The following COL4A3 variants were observed in gnomAD, a reference collection of about 807,000 sequenced individuals.
COL4A3 encodes collagen type IV alpha 3 chain, also known as collagen alpha-3(IV) chain.
In COL4A3, 135 loss-of-function variants were observed where a neutral mutation model predicts 217.4. The observed-to-expected ratio is 0.62, with a 90% confidence interval of 0.54 to 0.72. COL4A3 has a LOEUF of 0.72. COL4A3 is among the 30% of genes least tolerant of loss of function. The pLI, the probability that COL4A3 is intolerant of heterozygous loss-of-function variation, is 0.00. For missense variants in COL4A3, 1,868 were observed against 2,119.9 expected, an observed-to-expected ratio of 0.88 and a Z score of 2.33; for synonymous variants, 690 against 736.3, an observed-to-expected ratio of 0.94 and a Z score of 1.02.
chr2:227,309,279 C>G lies in COL4A3; in HGVS notation c.4716C>G (p.His1572Gln). 6.2e-7 allele frequency: 1 copy of G among 1,614,132 alleles called. No individual in the cohort carries two copies. Among genetic ancestry groups the G allele is most frequent in the Non-Finnish European group, 8.5e-7 (1 of 1,179,994 alleles). The change falls in exon 50 of 52, where the codon CAC (histidine) becomes CAG (glutamine). Residue 1572 changes from histidine (H) to glutamine (Q), a missense_variant. Coordinates refer to ENST00000396578, the MANE Select transcript of COL4A3 (RefSeq NM_000091.5). ...SQTTDIPPCPHGWISLWKGFS... is the reference protein window; with the variant it reads ...SQTTDIPPCPQGWISLWKGFS... ...CCACTGACATTCCTCCATGTCCTCA[C>G]GGCTGGATTTCTCTCTGGAAAGGAT...
rs570310046 is a variant in COL4A3 at position 227,191,282 on chromosome 2, G to T, written c.87+26469G>T. Reference sequence around the variant, plus strand: ...ATTCCTCGTACACATTCCCAGAAATGGATTTTTTTTTTGTAAAGGACGCAA... The same window carrying T: ...ATTCCTCGTACACATTCCCAGAAATTGATTTTTTTTTTGTAAAGGACGCAA... On this transcript the variant is annotated intron_variant, in intron 1 of 51. Transcript: ENST00000396578. The surrounding 1 kb of genome is among the most constrained non-coding windows in gnomAD (Gnocchi z 6.8). Among the ~76,000 whole-genome samples, 4 of 151,904 alleles carry T rather than the reference G, an allele frequency of 2.6e-5. No individual in the cohort carries two copies. The highest frequency in any genetic ancestry group is 7.2e-5 in the African/African-American group (3 of 41,398).
intron 1 of COL4A3, among the ~76,000 whole-genome samples, chr2:227,166,548 T>A (rs2065286596): frequency 6.6e-6 from 1 of 152,214 alleles, no homozygotes; most frequent in South Asian, 2.1e-4. Context: ...GTTATACCAT[T>A]TTCAATTCTG....
intron 2 of COL4A3, among the ~76,000 whole-genome samples, chr2:227,239,145 C>A (rs1043133677): frequency 3.3e-5 from 5 of 152,092 alleles, no homozygotes; most frequent in Non-Finnish European, 7.3e-5. Flanking sequence ...TCCTTATCCA[C>A]GGTTTCTGAA....
intron 1 of COL4A3, among the ~76,000 whole-genome samples, chr2:227,187,237 T>C (rs1436793985): frequency 6.6e-6 from 1 of 152,204 alleles, no homozygotes; most frequent in African/African-American, 2.4e-5. Flanking sequence ...CTTTCAGATA[T>C]TGACTTACCA....
intron 11 of COL4A3, among the ~76,000 whole-genome samples, chr2:227,251,926 G>A (rs1420364900): frequency 7.3e-5 from 11 of 151,682 alleles, no homozygotes; most frequent in African/African-American, 1.9e-4. Context: ...AAAATTAGCC[G>A]GGCATGGTGG....
chr2:227,280,966 C>T lies in COL4A3; in HGVS notation c.2448C>T (p.Ala816=), dbSNP rs370583118. 1 of 1,566,816 alleles carries T rather than the reference C, an allele frequency of 6.4e-7. No individual in the cohort carries two copies. The highest frequency in any genetic ancestry group is 1.4e-5 in the African/African-American group (1 of 73,686). ...GGTGCATAGAGGGTCCCAGGGGAGC[C>T]CAAGGACTTCCAGGCTTAAATGGAT... The part of the protein sequence containing the change: ...PGRCIEGPRG[A]QGLPGLNGLK... The change falls in exon 31 of 52, where the codon GCC becomes GCT. Residue 816 remains alanine, a synonymous_variant. Coordinates refer to ENST00000396578, the MANE Select transcript of COL4A3 (RefSeq NM_000091.5).
intron 41 of COL4A3, among the ~76,000 whole-genome samples, chr2:227,297,051 T>G (rs1266847107): frequency 6.6e-6 from 1 of 152,232 alleles, no homozygotes; most frequent in Admixed American, 6.5e-5. Context: ...CTGTGACCTT[T>G]TTGGAGGGTC....
rs556382263 is a variant in COL4A3, at chr2:227,225,635, A to G, written c.88-12333A>G. Among the ~76,000 whole-genome samples the G allele has an allele frequency of 8.1e-5, 12 of 149,032 alleles. No individual in the cohort carries two copies. In the East Asian group the frequency reaches 1.9e-3, roughly 24 times the overall value. ...AGTGAGAAAAATAAGAACGAGGTAG[A>G]GATTTTTTTTTTTAATCAAGTAAAA... On this transcript the variant is annotated intron_variant, in intron 1 of 51. Coordinates refer to ENST00000396578, the MANE Select transcript of COL4A3 (RefSeq NM_000091.5).
intron 1 of COL4A3, among the ~76,000 whole-genome samples, chr2:227,214,111 T>C (rs1053562769): frequency 6.6e-6 from 1 of 152,136 alleles, no homozygotes; most frequent in Admixed American, 6.5e-5. Context: ...CCTCCGCATA[T>C]TGAAAAGTCT....
intron 38 of COL4A3, chr2:227,293,958 G>C (rs2072903607): frequency 2.9e-6 from 1 of 344,792 alleles, no homozygotes; most frequent in South Asian, 2.3e-5. Flanking sequence ...CCCAAATACA[G>C]AGTCATGTTC....
At chr2:227,202,520 G>A (rs55930276) in intron 1 of COL4A3, among the ~76,000 whole-genome samples, 8,188 of 151,456 alleles carry the variant, frequency 0.054, 238 homozygotes, top group Middle Eastern at 0.075. Context: ...CGAGGCGGGC[G>A]GATCACTAGG....
chr2:227,222,160 A>AATAATAATAATAATG (rs1371794032), intron 1 of COL4A3, among the ~76,000 whole-genome samples: 2 of 85,040 alleles, frequency 2.4e-5, no homozygotes, highest in East Asian at 7.3e-4. Context: ...TAATAATAAT[A>AATAATAATAATAATG]ATAATGATAA....
intron 23 of COL4A3, 68 bp downstream of exon 23, chr2:227,267,156 G>A (rs1396340252): frequency 5.4e-6 from 6 of 1,114,624 alleles, no homozygotes; most frequent in Non-Finnish European, 6.9e-6. Context: ...AGAAAATAAA[G>A]GCATTGGATT....
chr2:227,287,584 A>G (rs1350702844), intron 34 of COL4A3, among the ~76,000 whole-genome samples: 1 of 152,222 alleles, frequency 6.6e-6, no homozygotes, highest in Non-Finnish European at 1.5e-5. Context: ...AATCAATGAC[A>G]TAAAAGGAAA....
chr2:227,247,964 G>C lies in COL4A3; in HGVS notation c.468+380G>C, dbSNP rs556348866. ...GTAAATTTTTTATTTTTTTGAGATG[G>C]AGTCTTGCTCTGTTGCCCAGGCTGG... On this transcript the variant is annotated intron_variant, in intron 8 of 51. Transcript: ENST00000396578. Among the ~76,000 whole-genome samples the C allele has an allele frequency of 1.7e-3, 252 of 152,176 alleles. 2 individuals are homozygous for C. The highest frequency in any genetic ancestry group is 5.7e-3 in the African/African-American group (238 of 41,518).
chr2:227,219,039 G>A, intron 1 of COL4A3, among the ~76,000 whole-genome samples: 1 of 151,212 alleles, frequency 6.6e-6, no homozygotes, highest in Non-Finnish European at 1.5e-5. Flanking sequence ...CTGTCCCCCA[G>A]GCTGGAGTGC....
At chr2:227,295,856 G>T (rs1038154115) in intron 41 of COL4A3, among the ~76,000 whole-genome samples, 1 of 152,060 alleles carries the variant, frequency 6.6e-6, no homozygotes, top group Admixed American at 6.6e-5. Context: ...TTTTTGTTTG[G>T]CAGGCCACAG....
chr2:227,211,211 G>A (rs532605639), intron 1 of COL4A3, among the ~76,000 whole-genome samples: 71 of 152,288 alleles, frequency 4.7e-4, no homozygotes, highest in Admixed American at 9.2e-4. Context: ...ATGTTGGCCA[G>A]GATGGTCTTG....
At chr2:227,260,749 A>T (rs2070504889) in intron 19 of COL4A3, among the ~76,000 whole-genome samples, 1 of 152,180 alleles carries the variant, frequency 6.6e-6, no homozygotes, top group Non-Finnish European at 1.5e-5. Flanking sequence ...ACCAAGACAA[A>T]CTGCTATCCT....
Sources: gnomAD v4.1 joint callset for allele counts (sites outside exome capture counted in the v4.1 genomes callset) on GRCh38, gnomAD v4.1.1 for gene constraint, Gnocchi (gnomAD v3.1) non-coding constraint, MANE v1.5 for transcripts, NCBI Gene and HGNC (gene_info 2026-07-23, HGNC 2026-07-21) for gene names.